DERL2: variants seen among roughly 807,000 people sequenced by gnomAD.
DERL2 encodes derlin-2.
A neutral mutation model predicts 32.0 loss-of-function variants in DERL2; 13 were observed. That is an observed-to-expected ratio of 0.41 (90% CI 0.26 to 0.65). The LOEUF (loss-of-function observed/expected upper bound fraction) is 0.65. DERL2 is among the 30% of genes least tolerant of loss of function. The pLI is 0.35. For synonymous variants in DERL2, 111 were observed against 104.7 expected (o/e 1.06, Z -0.37); for missense variants, 208 against 296.3 (o/e 0.70, Z 2.19).
At chr17:5,486,322 C>T (rs3026156), upstream of DERL2, 11 of 497,262 alleles carry the variant, frequency 2.2e-5, no homozygotes, top group East Asian at 7.3e-5. Flanking sequence ...ACCTAAGGAA[C>T]GCACATCCGC....
At chr17:5,485,906 AAG>A in intron 1 of DERL2, 161 bp downstream of exon 1, 1 of 512,414 alleles carries the variant, frequency 2.0e-6, no homozygotes, top group South Asian at 3.5e-5. Flanking sequence ...GTCACTGGAT[AAG>A]CATTCTTGGC....
rs908096296 is a variant in DERL2 at position 5,473,931 on chromosome 17, A to G, written c.*753T>C. ...TAATGGAGAAATGTAAGTAAAGCAA[A>G]TAAGATGCCACATTAGCTTACAGCT... On this transcript the variant is annotated 3_prime_UTR_variant, in exon 7 of 7. Coordinates refer to ENST00000158771, the MANE Select transcript of DERL2 (RefSeq NM_016041.5). 1.3e-5 allele frequency: 2 copies of G among 152,220 alleles called. No homozygotes were observed. Among genetic ancestry groups the G allele is most frequent in the African/African-American group, 4.8e-5 (2 of 41,458 alleles). 9.4% of individuals were successfully genotyped at this position (152,220 alleles called of 1,614,324 possible).
chr17:5,474,745 G>A lies in DERL2; in HGVS notation c.659C>T (p.Pro220Leu). 6.2e-7 allele frequency: 1 copy of A among 1,613,728 alleles called. No individual in the cohort carries two copies. Among genetic ancestry groups the A allele is most frequent in the Non-Finnish European group, 8.5e-7 (1 of 1,179,844 alleles). Residue 220 changes from proline (P) to leucine (L), a missense_variant, in exon 7 of 7, where the codon CCA becomes CTA. By Grantham distance (98) the Pro-to-Leu change is moderately conservative. This residue lies in a region of DERL2 where 40 missense variants were observed against 38.7 expected (regional missense o/e 1.03). Transcript: ENST00000158771. The surrounding 1 kb of genome is among the most constrained non-coding windows in gnomAD (Gnocchi z 4.3). ...DTPDEDPNYN[P>L]LPEERPGGFA... Reference sequence around the variant, plus strand: ...GCCTCCTGGCCGTTCCTCAGGTAGTGGATTGTAATTTGGATCCTCATCTGG... The same window carrying A: ...GCCTCCTGGCCGTTCCTCAGGTAGTAGATTGTAATTTGGATCCTCATCTGG...
chr17:5,485,256 C>G (rs757208522), intron 1 of DERL2, 40 bp from the exon 2 acceptor site: 15 of 1,125,628 alleles, frequency 1.3e-5, no homozygotes, highest in Non-Finnish European at 1.8e-5. Context: ...AATCAAGAAA[C>G]AAAATTTCAT....
chr17:5,476,633 T>G (rs1223293544), intron 6 of DERL2, among the ~76,000 whole-genome samples: 1 of 151,974 alleles, frequency 6.6e-6, no homozygotes, highest in Non-Finnish European at 1.5e-5. Context: ...AATACAAAAT[T>G]AGCCGGGTGT....
At chr17:5,485,549 C>T (rs1287242287) in intron 1 of DERL2, among the ~76,000 whole-genome samples, 1 of 152,206 alleles carries the variant, frequency 6.6e-6, no homozygotes. Flanking sequence ...TGGGCACCAC[C>T]TGAAACAGCT....
intron 6 of DERL2, among the ~76,000 whole-genome samples, chr17:5,477,300 A>G (rs1415609151): frequency 6.6e-6 from 1 of 152,202 alleles, no homozygotes. Context: ...GTAGAACATG[A>G]AAAACTAATC....
intron 1 of DERL2, chr17:5,485,862 C>A: frequency 2.2e-6 from 1 of 448,906 alleles, no homozygotes; most frequent in Admixed American, 3.9e-5. Flanking sequence ...TAGAAACTGA[C>A]CTGACCCCCC....
intron 6 of DERL2, among the ~76,000 whole-genome samples, chr17:5,475,732 G>C (rs1905341318): frequency 6.6e-6 from 1 of 152,120 alleles, no homozygotes; most frequent in Non-Finnish European, 1.5e-5. Flanking sequence ...CTGGGCGACA[G>C]AGCAAGACTG....
chr17:5,485,946 G>T, intron 1 of DERL2, 123 bp downstream of exon 1: 6 of 800,590 alleles, frequency 7.5e-6, no homozygotes, highest in Non-Finnish European at 1.2e-5. Flanking sequence ...AGTAATCCCT[G>T]TACGCCTCCA....
chr17:5,486,327 A>C, upstream of DERL2: 1 of 450,466 alleles, frequency 2.2e-6, no homozygotes, highest in Non-Finnish European at 3.9e-6. Flanking sequence ...AGGAACGCAC[A>C]TCCGCCAATC....
Position 5,486,148 on chromosome 17 carries a change from C to G in DERL2, c.14G>C (p.Ser5Thr), listed in dbSNP as rs751485746. The change falls in exon 1 of 7, where the codon AGC (serine) becomes ACC (threonine). Residue 5 changes from serine to threonine, a missense_variant. Around this residue, in one of 3 missense-constraint regions of DERL2, gnomAD observed 44 missense variants for 42.3 expected, o/e 1.04. Coordinates refer to ENST00000158771, the MANE Select transcript of DERL2 (RefSeq NM_016041.5). ...GATCTGCAGGTACTCCAGCCGCAAG[C>G]TCTGGTACGCCATCTTCCCCACCGT... MAYQ[S>T]LRLEYLQIPP... is the part of the protein sequence containing the mutation. The G allele has an allele frequency of 2.5e-5, 41 of 1,609,360 alleles. No individual in the cohort carries two copies. Among genetic ancestry groups the G allele is most frequent in the Non-Finnish European group, 3.3e-5 (39 of 1,178,030 alleles).
At chr17:5,486,322 C>G (rs3026156), upstream of DERL2, 9 of 497,376 alleles carry the variant, frequency 1.8e-5, no homozygotes, top group African/African-American at 1.6e-4. Flanking sequence ...ACCTAAGGAA[C>G]GCACATCCGC....
At chr17:5,479,955 G>C (rs1905659809) in intron 6 of DERL2, 99 bp downstream of exon 6, 2 of 723,106 alleles carry the variant, frequency 2.8e-6, no homozygotes. Context: ...ACTGACCTGA[G>C]CTATGTGTAC....
rs1194456690 is a variant in DERL2 at position 5,481,865 on chromosome 17, G to A, written c.234-476C>T. Among the ~76,000 whole-genome samples, 1 of 152,110 alleles carries A rather than the reference G, an allele frequency of 6.6e-6. No homozygotes were observed. Among genetic ancestry groups the A allele is most frequent in the East Asian group, 1.9e-4 (1 of 5,180 alleles). On this transcript the variant is annotated intron_variant, in intron 3 of 6. Transcript: ENST00000158771. The surrounding 1 kb of genome is among the most constrained non-coding windows in gnomAD (Gnocchi z 4.4). ...AGGTTTCACCATGTTGGCCAGGCTG[G>A]TCTCAAACTCCTGACCTCGTGATCC...
In DERL2 at chr17:5,472,877, T is replaced by A. The variant is rs2151697655; in HGVS notation, c.*1807A>T. ...AAACTTAAGAATCCCATAAGGATTA[T>A]ACATGCTAAGATTGGCTTTTAAACT... On this transcript the variant is annotated 3_prime_UTR_variant, in exon 7 of 7. Transcript: ENST00000158771. 1 of 152,344 alleles carries A rather than the reference T, an allele frequency of 6.6e-6. No individual in the cohort carries two copies. Among genetic ancestry groups the A allele is most frequent in the African/African-American group, 2.4e-5 (1 of 41,582 alleles). 9.4% of individuals were successfully genotyped at this position (152,344 alleles called of 1,614,324 possible).
intron 6 of DERL2, among the ~76,000 whole-genome samples, chr17:5,475,874 A>C (rs1012684917): frequency 6.6e-6 from 1 of 152,204 alleles, no homozygotes; most frequent in African/African-American, 2.4e-5. Context: ...TTAGGTACAG[A>C]GTAGTCAAAT....
At chr17:5,485,965 C>T (rs752762859) in intron 1 of DERL2, 104 bp downstream of exon 1, 1 of 1,051,052 alleles carries the variant, frequency 9.5e-7, no homozygotes. Context: ...CACCCATCCC[C>T]GGGACCAGCC....
Position 5,486,077 on chromosome 17 carries a change from C to G in DERL2, c.85G>C (p.Ala29Pro). ...GCACTGCAGCTGCTCACCACGGCGG[C>G]GGTGGTGAGGACGCAGGCAGTGGTG... Reference protein sequence around the residue: ...AYTTACVLTTAAVQLELITPF... With the variant: ...AYTTACVLTTPAVQLELITPF... The change falls in exon 1 of 7, where the codon GCC becomes CCC. Residue 29 changes from alanine to proline, a missense_variant. By Grantham distance (27) the Ala-to-Pro change is conservative. This residue lies in a region of DERL2 where 44 missense variants were observed against 42.3 expected (regional missense o/e 1.04). Coordinates refer to ENST00000158771, the MANE Select transcript of DERL2 (RefSeq NM_016041.5). 6.2e-7 allele frequency: 1 copy of G among 1,610,562 alleles called. No individual in the cohort carries two copies. Among genetic ancestry groups the G allele is most frequent in the Non-Finnish European group, 8.5e-7 (1 of 1,178,316 alleles).
Sources: gnomAD v4.1 joint callset for allele counts (sites outside exome capture counted in the v4.1 genomes callset) on GRCh38, gnomAD v4.1.1 for gene constraint, gnomAD v4.1.1 regional missense constraint, Gnocchi (gnomAD v3.1) non-coding constraint, MANE v1.5 for transcripts, NCBI Gene and HGNC (gene_info 2026-07-23, HGNC 2026-07-21) for gene names.